ADGRG4: variants seen among roughly 807,000 people sequenced by gnomAD.
The protein encoded by ADGRG4 is G protein-coupled receptor 112.
Under a neutral mutation model 126.2 loss-of-function variants are expected in ADGRG4, and 122 were observed. The observed-to-expected ratio is 0.97, with a 90% CI of 0.83 to 1.12. The LOEUF is 1.12. Ranked by LOEUF, ADGRG4 falls within the 50% of genes most tolerant of loss-of-function variation. The pLI, the probability that ADGRG4 is intolerant of heterozygous loss-of-function variation, is 0.00. For synonymous variants in ADGRG4, 943 were observed against 838.7 expected, an observed-to-expected ratio of 1.12 and a Z score of -2.15; for missense variants, 2,481 against 2,251.8, an observed-to-expected ratio of 1.10 and a Z score of -2.06.
rs776278812 is a variant in ADGRG4 at position 136,349,050 on chromosome X, A to G, written c.5344A>G (p.Lys1782Glu). Residue 1782 changes from lysine to glutamate, a missense_variant, in exon 6 of 26, where the codon AAA (lysine) becomes GAA (glutamate). Lys to Glu is a moderately conservative substitution (Grantham distance 56). Coordinates refer to ENST00000394143, the MANE Select transcript of ADGRG4 (RefSeq NM_153834.4). ...TSFKSASGPT[K>E]NVKTTTNCFS... is the part of the protein sequence containing the mutation. ...CTTTAAGAGTGCTTCTGGACCCACAAAAAATGTTAAAACAACCACCAATTG... is the reference window on the plus strand; with the variant it reads ...CTTTAAGAGTGCTTCTGGACCCACAGAAAATGTTAAAACAACCACCAATTG... 8.3e-6 allele frequency: 10 copies of G among 1,206,356 alleles called. No individual in the cohort carries two copies. The highest frequency in any genetic ancestry group is 6.7e-6 in the Non-Finnish European group (6 of 892,181).
intron 23 of ADGRG4, among the ~76,000 whole-genome samples, chrX:136,406,367 T>A (rs1002578185): frequency 1.2e-4 from 13 of 112,102 alleles, no homozygotes; most frequent in African/African-American, 3.2e-4. Flanking sequence ...CCTAATATTT[T>A]GGGAAAGAGC....
rs766031309 is a variant in ADGRG4, at chrX:136,345,723, A to G, written c.2017A>G (p.Ile673Val). The change falls in exon 6 of 26, where the codon ATA becomes GTA. Residue 673 changes from isoleucine (I) to valine (V), a missense_variant. Physicochemically the swap from Ile to Val is conservative, Grantham distance 29. Transcript: ENST00000394143. ...GCTGGCATCTATGAACACAACCACC[A>G]TACTCACATTTGTGCCTAATGAAAA... ...ALLASMNTTT[I>V]LTFVPNENFT... 1 of 1,211,293 alleles carries G rather than the reference A, an allele frequency of 8.3e-7. No homozygotes were observed. Among genetic ancestry groups the G allele is most frequent in the Non-Finnish European group, 1.1e-6 (1 of 895,225 alleles).
intron 5 of ADGRG4, among the ~76,000 whole-genome samples, chrX:136,331,976 C>T (rs1474544531): frequency 9.2e-6 from 1 of 108,334 alleles, no homozygotes; most frequent in African/African-American, 3.4e-5. Context: ...ACCAACACGC[C>T]CGACTAATTT....
intron 21 of ADGRG4, among the ~76,000 whole-genome samples, chrX:136,402,304 A>G (rs189269753): frequency 1.8e-5 from 2 of 111,304 alleles, no homozygotes; most frequent in Non-Finnish European, 3.8e-5. Context: ...TATTTTCAAT[A>G]TGTAAACACA....
chrX:136,348,147 C>T lies in ADGRG4; in HGVS notation c.4441C>T (p.Leu1481Phe). Residue 1481 changes from leucine (L) to phenylalanine (F), a missense_variant, in exon 6 of 26, where the codon CTC (leucine) becomes TTC (phenylalanine). Physicochemically the swap from Leu to Phe is conservative, Grantham distance 22 (BLOSUM62 0). Transcript: ENST00000394143. ...AGLYNDGFTVLSDRITTAFSV... is the reference protein window; with the variant it reads ...AGLYNDGFTVFSDRITTAFSV... ...ACTATATAATGACGGTTTTACAGTTCTCTCCGACAGGATCACTACAGCCTT... is the reference window on the plus strand; with the variant it reads ...ACTATATAATGACGGTTTTACAGTTTTCTCCGACAGGATCACTACAGCCTT... 1 of 1,209,616 alleles carries T rather than the reference C, an allele frequency of 8.3e-7. No individual in the cohort carries two copies. The highest frequency in any genetic ancestry group is 1.1e-6 in the Non-Finnish European group (1 of 893,842).
intron 24 of ADGRG4, among the ~76,000 whole-genome samples, chrX:136,413,208 A>C (rs1197179130): frequency 9.3e-6 from 1 of 108,008 alleles, no homozygotes; most frequent in Non-Finnish European, 1.9e-5. Context: ...ATCTAGCATT[A>C]GGTATATCTC....
At chrX:136,406,412 A>C (rs1378343379) in intron 23 of ADGRG4, among the ~76,000 whole-genome samples, 3 of 112,369 alleles carry the variant, frequency 2.7e-5, no homozygotes, top group African/African-American at 9.7e-5. Flanking sequence ...ACAGGAATGA[A>C]GGTTAAAATC....
chrX:136,367,588 C>A (rs778632697), intron 13 of ADGRG4, among the ~76,000 whole-genome samples: 1 of 111,523 alleles, frequency 9.0e-6, no homozygotes, highest in Non-Finnish European at 1.9e-5. Context: ...AAATCTACCG[C>A]GGAGTAAAGG....
intron 13 of ADGRG4, among the ~76,000 whole-genome samples, chrX:136,364,078 T>C (rs2075144213): frequency 9.0e-6 from 1 of 111,403 alleles, no homozygotes; most frequent in South Asian, 3.8e-4. Context: ...CCCAAAGTAC[T>C]GGGATTACAG....
At chrX:136,394,856 C>A (rs1210371873) in intron 18 of ADGRG4, among the ~76,000 whole-genome samples, 6 of 111,901 alleles carry the variant, frequency 5.4e-5, no homozygotes, top group Non-Finnish European at 1.1e-4. Flanking sequence ...AGTGTTAGTT[C>A]TAAACCTGAG....
At chrX:136,302,392 C>G (rs1461946845) in intron 1 of ADGRG4, among the ~76,000 whole-genome samples, 3 of 111,730 alleles carry the variant, frequency 2.7e-5, no homozygotes, top group African/African-American at 9.8e-5. Flanking sequence ...TCTCCTTAAG[C>G]TGATAAGCAA....
rs1392350314 is a variant in ADGRG4, at chrX:136,347,331, G to A, written c.3625G>A (p.Val1209Ile). Residue 1209 changes from valine to isoleucine, a missense_variant, in exon 6 of 26, where the codon GTT (valine) becomes ATT (isoleucine). By Grantham distance (29) the Val-to-Ile change is conservative. Transcript: ENST00000394143. ...GGCTACTGGCACCACAGAGACCTCT[G>A]TTGTTGATGAGACCACACCCTCACA... ...SLATGTTETS[V>I]VDETTPSHIS... is the part of the protein sequence containing the mutation. 3 of 1,210,088 alleles carry A rather than the reference G, an allele frequency of 2.5e-6. No individual in the cohort carries two copies. The South Asian group carries it at 5.3e-5, about 21-fold the overall frequency.
At chrX:136,413,564 A>G (rs1477789111) in intron 24 of ADGRG4, among the ~76,000 whole-genome samples, 2 of 111,161 alleles carry the variant, frequency 1.8e-5, no homozygotes, top group African/African-American at 6.5e-5. Flanking sequence ...CATATCAGCA[A>G]CCTGCTGGTC....
chrX:136,391,087 C>A (rs1180637363), intron 16 of ADGRG4, among the ~76,000 whole-genome samples: 1 of 110,989 alleles, frequency 9.0e-6, no homozygotes, highest in Non-Finnish European at 1.9e-5. Context: ...TAGTGGAGCC[C>A]CAGGCTGAAT....
intron 4 of ADGRG4, among the ~76,000 whole-genome samples, chrX:136,317,142 T>A (rs2074809590): frequency 9.0e-6 from 1 of 111,582 alleles, no homozygotes; most frequent in African/African-American, 3.3e-5. Context: ...AACTGTAACA[T>A]TCTTAGAGGA....
intron 5 of ADGRG4, among the ~76,000 whole-genome samples, chrX:136,338,062 G>A (rs1053386082): frequency 1.5e-4 from 16 of 109,118 alleles, no homozygotes; most frequent in African/African-American, 5.3e-4. Flanking sequence ...ATGTTTACCT[G>A]TTCTATCTTC....
chrX:136,363,813 A>G (rs1227738497), intron 13 of ADGRG4, among the ~76,000 whole-genome samples: 2 of 111,191 alleles, frequency 1.8e-5, no homozygotes. Context: ...TGTTTTTGCT[A>G]CATATATATA....
chrX:136,404,815 T>A (rs1212061692), intron 22 of ADGRG4, among the ~76,000 whole-genome samples: 1 of 111,997 alleles, frequency 8.9e-6, no homozygotes, highest in Non-Finnish European at 1.9e-5. Context: ...AATTAAATGT[T>A]TTTTTAACAT....
chrX:136,359,363 G>A lies in ADGRG4; in HGVS notation c.7052G>A (p.Ser2351Asn), dbSNP rs1213428215. The A allele has an allele frequency of 5.8e-6, 7 of 1,204,642 alleles. No homozygotes were observed. The Admixed American group carries it at 8.8e-5, about 15-fold the overall frequency. ...TCTGAATTGATGAGAAAAATCAAAA[G>A]TAAAATACATGGCAACTTCACACAT... ...ASSELMRKIK[S>N]KIHGNFTHGN... is the part of the protein sequence containing the mutation. The change falls in exon 11 of 26, where the codon AGT becomes AAT. Residue 2351 changes from serine (S) to asparagine (N), a missense_variant. Ser to Asn is a conservative substitution (Grantham distance 46). Coordinates refer to ENST00000394143, the MANE Select transcript of ADGRG4 (RefSeq NM_153834.4).
Sources: allele counts gnomAD v4.1 joint callset (sites outside exome capture counted in the v4.1 genomes callset), GRCh38; gene constraint gnomAD v4.1.1; transcripts MANE v1.5; gene names NCBI Gene and HGNC (gene_info 2026-07-23, HGNC 2026-07-21).